The following OXR1 variants were observed in gnomAD, a reference collection of about 807,000 sequenced individuals.
OXR1 encodes the protein oxidation resistance protein 1.
Under a neutral mutation model 104.6 loss-of-function variants are expected in OXR1, and 41 were observed. The observed-to-expected ratio is 0.39, with a 90% CI of 0.31 to 0.51. The LOEUF is 0.51. Among genes scored for constraint, OXR1 ranks in the 20% least tolerant of loss-of-function variants. OXR1 has a pLI of 0.77. For missense variants in OXR1, 955 were observed against 1,031.9 expected, an observed-to-expected ratio of 0.93 and a Z score of 1.02; for synonymous variants, 348 against 348.4, an observed-to-expected ratio of 1.00 and a Z score of 0.01.
chr8:106,293,317 G>A (rs779433749), intron 1 of OXR1, among the ~76,000 whole-genome samples: 16 of 152,072 alleles, frequency 1.1e-4, no homozygotes, highest in Admixed American at 7.2e-4. Context: ...TTATCTTGTC[G>A]TAGACTGGAA....
intron 2 of OXR1, among the ~76,000 whole-genome samples, chr8:106,412,971 T>C (rs909715667): frequency 6.6e-6 from 1 of 152,124 alleles, no homozygotes; most frequent in Admixed American, 6.6e-5. Flanking sequence ...TTCTGAAAGC[T>C]AATCTTGATG....
At chr8:106,673,210 C>T (rs1041601784) in intron 3 of OXR1, among the ~76,000 whole-genome samples, 6 of 152,100 alleles carry the variant, frequency 3.9e-5, no homozygotes, top group African/African-American at 1.4e-4. Flanking sequence ...TAAATGAAGT[C>T]CAGGCTGAGG....
In OXR1 at chr8:106,707,063, T is replaced by C. The variant is rs1221765282; in HGVS notation, c.1542T>C (p.Thr514=). 6.2e-6 allele frequency: 10 copies of C among 1,613,782 alleles called. No homozygotes were observed. The highest frequency in any genetic ancestry group is 3.3e-5 in the South Asian group (3 of 91,062). ...KLWKTHTMQQ[T]KQQRENIQQV... ...GGAAAACCCATACTATGCAACAAAC[T>C]AAACAGCAAAGGGAAAATATTCAAC... The change falls in exon 9 of 17, where the codon ACT becomes ACC. Residue 514 remains threonine, a synonymous_variant. Coordinates refer to ENST00000517566, the MANE Select transcript of OXR1 (RefSeq NM_001198533.2).
intron 3 of OXR1, among the ~76,000 whole-genome samples, chr8:106,630,064 T>C (rs1203099736): frequency 6.6e-6 from 1 of 152,204 alleles, no homozygotes; most frequent in East Asian, 1.9e-4. Flanking sequence ...CTTCTTTATA[T>C]AGGGAGATTG....
intron 1 of OXR1, among the ~76,000 whole-genome samples, chr8:106,311,329 C>T (rs1392755424): frequency 6.6e-6 from 1 of 151,866 alleles, no homozygotes; most frequent in Non-Finnish European, 1.5e-5. Flanking sequence ...TTTCTTTTGT[C>T]TCTGTCTGAA....
At chr8:106,290,330 A>G (rs1044060733) in intron 1 of OXR1, among the ~76,000 whole-genome samples, 2 of 152,182 alleles carry the variant, frequency 1.3e-5, no homozygotes, top group African/African-American at 4.8e-5. Flanking sequence ...TAAATGTAAG[A>G]TCTCAAGCTA....
intron 3 of OXR1, among the ~76,000 whole-genome samples, chr8:106,603,399 AAGTC>A (rs1820119492): frequency 6.6e-6 from 1 of 152,206 alleles, no homozygotes; most frequent in Non-Finnish European, 1.5e-5. Flanking sequence ...AGCAAAAAAA[AAGTC>A]AGTAACATTT....
At chr8:106,332,829 G>T (rs956594763) in intron 1 of OXR1, among the ~76,000 whole-genome samples, 4 of 151,810 alleles carry the variant, frequency 2.6e-5, no homozygotes, top group Admixed American at 1.3e-4. Context: ...TGTCTCTATG[G>T]ATTTGCTTAT....
intron 2 of OXR1, among the ~76,000 whole-genome samples, chr8:106,444,473 G>T (rs564245873): frequency 1.7e-4 from 26 of 152,322 alleles, no homozygotes; most frequent in African/African-American, 5.8e-4. Flanking sequence ...TAAAGAAAAT[G>T]TGGTACATAT....
chr8:106,587,350 G>A (rs1818709579), intron 3 of OXR1, among the ~76,000 whole-genome samples: 1 of 152,054 alleles, frequency 6.6e-6, no homozygotes, highest in Non-Finnish European at 1.5e-5. Context: ...GGGTTTGCAG[G>A]GAAAGAACAA....
intron 3 of OXR1, among the ~76,000 whole-genome samples, chr8:106,542,647 A>G (rs1322349640): frequency 6.6e-6 from 1 of 152,028 alleles, no homozygotes; most frequent in East Asian, 1.9e-4. Context: ...CCTTCAGTAA[A>G]ACTGTGGTAG....
chr8:106,617,536 TC>T (rs1444968050), intron 3 of OXR1, among the ~76,000 whole-genome samples: 3 of 152,148 alleles, frequency 2.0e-5, no homozygotes, highest in Non-Finnish European at 2.9e-5. Flanking sequence ...CTTTCTTCTT[TC>T]CCTCCTAGGG....
At chr8:106,422,519 A>G (rs890595310) in intron 2 of OXR1, among the ~76,000 whole-genome samples, 8 of 111,776 alleles carry the variant, frequency 7.2e-5, no homozygotes, top group African/African-American at 4.1e-4. Context: ...TATTTAAAGC[A>G]CTATAAAATA....
At chr8:106,610,618 T>C (rs1404040596) in intron 3 of OXR1, among the ~76,000 whole-genome samples, 1 of 152,194 alleles carries the variant, frequency 6.6e-6, no homozygotes, top group African/African-American at 2.4e-5. Flanking sequence ...TGGAAGTTCC[T>C]CTGGCTGCCA....
At chr8:106,434,478 CTT>C (rs1819494206) in intron 2 of OXR1, among the ~76,000 whole-genome samples, 1 of 152,014 alleles carries the variant, frequency 6.6e-6, no homozygotes, top group African/African-American at 2.4e-5. Context: ...AGAATAGTAG[CTT>C]TTATGTGCTC....
At chr8:106,342,856 GCTGTAGTCCCT>G (rs1038493721) in intron 1 of OXR1, among the ~76,000 whole-genome samples, 42 of 152,172 alleles carry the variant, frequency 2.8e-4, no homozygotes, top group Non-Finnish European at 5.3e-4. Context: ...GCAAACTGCT[GCTGTAGTCCCT>G]CACCTTCCCT....
chr8:106,337,796 A>C (rs141983531), intron 1 of OXR1, among the ~76,000 whole-genome samples: 23 of 152,310 alleles, frequency 1.5e-4, no homozygotes, highest in African/African-American at 5.5e-4. Flanking sequence ...CCTTTCTCTT[A>C]TGTTGATGTA....
intron 3 of OXR1, among the ~76,000 whole-genome samples, chr8:106,611,941 CA>C (rs11443787): frequency 0.22 from 32,882 of 150,254 alleles, 3,874 homozygotes; most frequent in East Asian, 0.38. Flanking sequence ...CACATAAAAA[CA>C]AAAAAAAAAT....
intron 2 of OXR1, among the ~76,000 whole-genome samples, chr8:106,460,621 A>G (rs1163260844): frequency 6.6e-6 from 1 of 152,232 alleles, no homozygotes; most frequent in Non-Finnish European, 1.5e-5. Context: ...AACAATTTGT[A>G]GAATATTGTC....
Sources: allele counts gnomAD v4.1 joint callset (sites outside exome capture counted in the v4.1 genomes callset), GRCh38; gene constraint gnomAD v4.1.1; transcripts MANE v1.5; gene names NCBI Gene and HGNC (gene_info 2026-07-23, HGNC 2026-07-21).